DNAH8: variants seen among roughly 807,000 people sequenced by gnomAD.
DNAH8 encodes axonemal beta dynein heavy chain 8.
A neutral mutation model predicts 562.1 loss-of-function variants in DNAH8; 382 were observed. The ratio of observed to expected loss-of-function variants is 0.68; its 90% CI spans 0.63 to 0.74. The LOEUF is 0.74. Ranked by LOEUF, DNAH8 falls within the 30% of genes least tolerant of loss-of-function variation. The probability of loss-of-function intolerance (pLI) is 0.00; values close to 1 mark genes in which losing one functional copy is unlikely to be tolerated. For missense variants in DNAH8, 5,203 were observed against 5,620.4 expected (o/e 0.93, Z 2.37); for synonymous variants, 1,881 against 1,919.4 (o/e 0.98, Z 0.52).
intron 86 of DNAH8, among the ~76,000 whole-genome samples, chr6:38,983,254 A>G (rs572178428): frequency 6.6e-6 from 1 of 152,330 alleles, no homozygotes; most frequent in South Asian, 2.1e-4. Context: ...ACCTAATAAG[A>G]GCTCATTCAA....
At position 38,908,098 on chromosome 6, in the gene DNAH8, A is replaced by C; in HGVS notation, c.9491A>C (p.His3164Pro). Reference protein sequence around the residue: ...YFISRSRKNLHVVLCFSPVGE... With the variant: ...YFISRSRKNLPVVLCFSPVGE... ...ATTTCAAGATCAAGGAAGAACTTAC[A>C]TGTTGTTCTCTGCTTTTCTCCAGTA... Residue 3164 changes from histidine (H) to proline (P), a missense_variant, in exon 64 of 93, where the codon CAT (histidine) becomes CCT (proline). By Grantham distance (77) the His-to-Pro change is moderately conservative (BLOSUM62 -2). Transcript: ENST00000327475. 6.3e-7 allele frequency: 1 copy of C among 1,584,436 alleles called. No individual in the cohort carries two copies. Among genetic ancestry groups the C allele is most frequent in the Non-Finnish European group, 8.6e-7 (1 of 1,167,452 alleles).
In DNAH8 at chr6:38,737,265, A is replaced by G. The variant is rs1764175091; in HGVS notation, c.952+9A>G. ...TCTTTCATTTTTAGATGGTAAGTATAAAATTTAATGTTTAGCAAATTGCAA... is the reference window on the plus strand; with the variant it reads ...TCTTTCATTTTTAGATGGTAAGTATGAAATTTAATGTTTAGCAAATTGCAA... On this transcript the variant is annotated intron_variant, in intron 6 of 92. Coordinates refer to ENST00000327475, the MANE Select transcript of DNAH8 (RefSeq NM_001206927.2). The G allele has an allele frequency of 3.6e-6, 5 of 1,407,678 alleles. No homozygotes were observed. The highest frequency in any genetic ancestry group is 4.7e-6 in the Non-Finnish European group (5 of 1,070,436). 87.2% of individuals were successfully genotyped at this position (1,407,678 alleles called of 1,614,324 possible).
At position 38,875,848 on chromosome 6, in the gene DNAH8, C is replaced by A. The variant is rs183425377; in HGVS notation, c.7858+20C>A. The A allele has an allele frequency of 3.3e-5, 50 of 1,496,832 alleles. No individual in the cohort carries two copies. In the Admixed American group the frequency reaches 8.2e-4, roughly 25 times the overall value. The allele number at this position is 1,496,832 out of a possible 1,614,324, so 92.7% of individuals were successfully genotyped here. The stretch of plus-strand genomic sequence containing the variant: ...ATTATGGTAAGCCCACTGAACTATA[C>A]CTTAAATGAAATGACTTTTTTCAAA... On this transcript the variant is annotated intron_variant, in intron 53 of 92. Coordinates refer to ENST00000327475, the MANE Select transcript of DNAH8 (RefSeq NM_001206927.2).
chr6:38,823,832 A>G, intron 28 of DNAH8, 144 bp downstream of exon 28: 1 of 460,932 alleles, frequency 2.2e-6, no homozygotes, highest in Non-Finnish European at 3.7e-6. Flanking sequence ...TTATAATAAT[A>G]GTATTATACC....
chr6:38,817,771 A>G (rs1468949989), intron 26 of DNAH8, among the ~76,000 whole-genome samples: 1 of 152,206 alleles, frequency 6.6e-6, no homozygotes, highest in Non-Finnish European at 1.5e-5. Flanking sequence ...ATCAGAGGCA[A>G]GAAGAGCTAG....
In DNAH8 at chr6:39,026,615, T is replaced by C. The variant is rs199891264; in HGVS notation, c.13784T>C (p.Ile4595Thr). 1.1e-5 allele frequency: 18 copies of C among 1,613,426 alleles called. No homozygotes were observed. The East Asian group carries it at 3.8e-4, about 34-fold the overall frequency. The part of the protein sequence containing the change: ...HKGWALDTVT[I>T]HNEVLRQTKE... ...GGCTGGGCACTGGACACTGTGACCA[T>C]CCACAATGAAGTTCTGAGACAGACC... Residue 4595 changes from isoleucine (I) to threonine (T), a missense_variant, in exon 92 of 93, where the codon ATC (isoleucine) becomes ACC (threonine). By Grantham distance (89) the Ile-to-Thr change is moderately conservative. Transcript: ENST00000327475.
intron 21 of DNAH8, 105 bp downstream of exon 21, chr6:38,791,779 C>CTT (rs3839625): frequency 1.9e-3 from 1,858 of 962,928 alleles, no homozygotes; most frequent in East Asian, 6.1e-3. Flanking sequence ...AGCATTTAGA[C>CTT]TTTTTTTTTT....
intron 75 of DNAH8, among the ~76,000 whole-genome samples, chr6:38,931,106 T>C (rs1782521168): frequency 6.6e-6 from 1 of 152,156 alleles, no homozygotes; most frequent in Admixed American, 6.6e-5. Flanking sequence ...GATTTTTATC[T>C]GCAATGTGAA....
chr6:38,723,757 T>C (rs867986927), intron 3 of DNAH8, among the ~76,000 whole-genome samples: 74 of 152,006 alleles, frequency 4.9e-4, no homozygotes, highest in South Asian at 8.3e-4. Flanking sequence ...GTACCTGTGG[T>C]CCCAGCTACT....
rs375416264 is a variant in DNAH8 at position 38,921,356 on chromosome 6, T to G, written c.10525-13T>G. The G allele has an allele frequency of 2.3e-4, 369 of 1,610,710 alleles. 1 individual carries two copies. Among genetic ancestry groups the G allele is most frequent in the Admixed American group, 4.2e-4 (25 of 59,290 alleles). On this transcript the variant is annotated splice_polypyrimidine_tract_variant and intron_variant, in intron 70 of 92. Transcript: ENST00000327475. ...ATGCAGCTAATACACTAACCACGTC[T>G]TCTTCTTTTCAGGCCAACCTGGCCA...
At chr6:38,835,601 A>G (rs1774211883) in intron 32 of DNAH8, among the ~76,000 whole-genome samples, 1 of 152,152 alleles carries the variant, frequency 6.6e-6, no homozygotes, top group Non-Finnish European at 1.5e-5. Flanking sequence ...GGAGGGGAAA[A>G]AGAAAGTTAG....
At chr6:38,736,394 A>T (rs1451858076) in intron 5 of DNAH8, among the ~76,000 whole-genome samples, 1 of 152,212 alleles carries the variant, frequency 6.6e-6, no homozygotes, top group Non-Finnish European at 1.5e-5. Flanking sequence ...ACCAATGTTG[A>T]CATTTGACTG....
intron 88 of DNAH8, among the ~76,000 whole-genome samples, chr6:39,001,891 G>C (rs1302787871): frequency 6.6e-6 from 1 of 152,060 alleles, no homozygotes; most frequent in Non-Finnish European, 1.5e-5. Context: ...AAGGCAGTGG[G>C]GATGACGGTG....
intron 82 of DNAH8, among the ~76,000 whole-genome samples, chr6:38,953,768 A>G (rs1466720226): frequency 1.3e-5 from 2 of 152,086 alleles, no homozygotes; most frequent in African/African-American, 4.8e-5. Context: ...TTAATATTTT[A>G]TTTGAAAATC....
rs1290638046 is a variant in DNAH8, at chr6:38,715,985, G to A, written c.-35+570G>A. On this transcript the variant is annotated intron_variant, in intron 1 of 92. Transcript: ENST00000327475. ...ATTTTTTTTTTTTTTTTGAGACGGA[G>A]TCTCACTCTGCCGCCCAGGCTGGAG... 1.3e-3 allele frequency among the ~76,000 whole-genome samples: 69 copies of A among 52,664 alleles called. 5 individuals carry two copies. Among genetic ancestry groups the A allele is most frequent in the Non-Finnish European group, 2.1e-3 (61 of 29,550 alleles). 34.5% of individuals were successfully genotyped at this position (52,664 alleles called of 152,430 possible).
Position 38,873,110 on chromosome 6 carries a change from T to G in DNAH8, c.7442T>G (p.Ile2481Ser). The part of the protein sequence containing the change: ...ATVSRMGMVY[I>S]SSSALSWRPI... ...GTTTCTAGGATGGGCATGGTCTATA[T>G]CAGCAGCTCTGCTCTCAGCTGGAGG... is the stretch of plus-strand genomic sequence containing the variant. The change falls in exon 51 of 93, where the codon ATC (isoleucine) becomes AGC (serine). Residue 2481 changes from isoleucine (I) to serine (S), a missense_variant. Transcript: ENST00000327475. The G allele has an allele frequency of 1.2e-6, 2 of 1,613,848 alleles. No homozygotes were observed. The highest frequency in any genetic ancestry group is 1.7e-6 in the Non-Finnish European group (2 of 1,179,984).
At chr6:38,930,532 G>A (rs1244914648) in intron 75 of DNAH8, among the ~76,000 whole-genome samples, 1 of 152,024 alleles carries the variant, frequency 6.6e-6, no homozygotes, top group Non-Finnish European at 1.5e-5. Flanking sequence ...ATATACTTAA[G>A]CCTTTATGAG....
At chr6:38,778,698 T>C (rs1264249821) in intron 14 of DNAH8, among the ~76,000 whole-genome samples, 1 of 152,204 alleles carries the variant, frequency 6.6e-6, no homozygotes, top group Admixed American at 6.5e-5. Context: ...AATGAAATTA[T>C]TTCTCATGTT....
intron 87 of DNAH8, among the ~76,000 whole-genome samples, chr6:38,984,652 G>T (rs1764260948): frequency 6.6e-6 from 1 of 152,236 alleles, no homozygotes; most frequent in East Asian, 1.9e-4. Context: ...GTAGCCGGGC[G>T]TGGTGGTGAG....
Sources: allele counts gnomAD v4.1 joint callset (sites outside exome capture counted in the v4.1 genomes callset), GRCh38; gene constraint gnomAD v4.1.1; transcripts MANE v1.5; gene names NCBI Gene and HGNC (gene_info 2026-07-23, HGNC 2026-07-21).